The following LRBA variants were observed in gnomAD, a reference collection of about 807,000 sequenced individuals.
LRBA encodes LPS responsive beige-like anchor protein.
In LRBA, 176 loss-of-function variants were observed where a neutral mutation model predicts 330.0. The ratio of observed to expected loss-of-function variants is 0.53; its 90% CI spans 0.47 to 0.60. LRBA has a LOEUF of 0.60. Among genes scored for constraint, LRBA ranks in the 20% least tolerant of loss-of-function variants. The pLI, the probability that LRBA is intolerant of heterozygous loss-of-function variation, is 0.00. For synonymous variants in LRBA, 1,230 were observed against 1,193.0 expected, an observed-to-expected ratio of 1.03 and a Z score of -0.64; for missense variants, 3,259 against 3,444.8, an observed-to-expected ratio of 0.95 and a Z score of 1.35.
Position 150,848,876 on chromosome 4 carries a change from T to A in LRBA, c.4281A>T (p.Glu1427Asp), listed in dbSNP as rs1750227455. ...ATGACATACTTTTTTCAGCTTCAAT[T>A]TCAGTAAAGCCAAGAGAACTTGCAA... ...LIFASSLGFT[E>D]IEAEKSMSSG... Residue 1427 changes from glutamate to aspartate, a missense_variant, in exon 26 of 57, where the codon GAA becomes GAT. By Grantham distance (45) the Glu-to-Asp change is conservative. Transcript: ENST00000651943. The A allele has an allele frequency of 1.2e-6, 2 of 1,612,468 alleles. No individual in the cohort carries two copies. Among genetic ancestry groups the A allele is most frequent in the Admixed American group, 3.3e-5 (2 of 59,862 alleles).
chr4:150,880,855 A>G (rs1206481695), intron 17 of LRBA, among the ~76,000 whole-genome samples: 2 of 152,176 alleles, frequency 1.3e-5, no homozygotes, highest in African/African-American at 4.8e-5. Context: ...GCTAAAAACA[A>G]TCCCATTAAA....
intron 8 of LRBA, among the ~76,000 whole-genome samples, chr4:150,915,389 A>C (rs1240988993): frequency 6.6e-6 from 1 of 152,142 alleles, no homozygotes; most frequent in African/African-American, 2.4e-5. Flanking sequence ...ACTGTTAGCT[A>C]TAAATCCTTA....
chr4:150,561,528 T>C (rs1180458891), intron 40 of LRBA, among the ~76,000 whole-genome samples: 2 of 152,174 alleles, frequency 1.3e-5, no homozygotes, highest in African/African-American at 4.8e-5. Context: ...GGTGGCAGAT[T>C]AAGTCAGAGT....
intron 48 of LRBA, among the ~76,000 whole-genome samples, chr4:150,346,757 C>CAAAAAAAAAAAAAA (rs57119340): frequency 1.4e-4 from 9 of 66,152 alleles, no homozygotes; most frequent in African/African-American, 6.2e-4. Context: ...GACTCTGTCT[C>CAAAAAAAAAAAAAA]AAAAAAAAAA....
At chr4:150,322,441 T>C (rs922052216) in intron 49 of LRBA, among the ~76,000 whole-genome samples, 1 of 152,210 alleles carries the variant, frequency 6.6e-6, no homozygotes, top group Non-Finnish European at 1.5e-5. Flanking sequence ...ATTAGTATCA[T>C]TCAGAATTGA....
At chr4:150,894,041 G>A (rs1646554574) in intron 16 of LRBA, among the ~76,000 whole-genome samples, 1 of 152,116 alleles carries the variant, frequency 6.6e-6, no homozygotes, top group South Asian at 2.1e-4. Context: ...TCAAGATTTT[G>A]TAAAACATAA....
chr4:150,939,612 C>T (rs1319066194), intron 2 of LRBA, among the ~76,000 whole-genome samples: 1 of 152,154 alleles, frequency 6.6e-6, no homozygotes, highest in South Asian at 2.1e-4. Flanking sequence ...TAATACATCC[C>T]AACATCTCCC....
At chr4:150,809,920 G>T (rs1052743712) in intron 31 of LRBA, among the ~76,000 whole-genome samples, 1 of 106,276 alleles carries the variant, frequency 9.4e-6, no homozygotes, top group African/African-American at 3.7e-5. Flanking sequence ...GATACGATAC[G>T]ATACGATACG....
chr4:150,625,441 TAGC>T (rs1305333566), intron 37 of LRBA, among the ~76,000 whole-genome samples: 5 of 152,152 alleles, frequency 3.3e-5, no homozygotes, highest in African/African-American at 9.7e-5. Flanking sequence ...ATTTTTAGAA[TAGC>T]AGAAAATCTC....
chr4:150,807,886 G>C (rs933236431), intron 32 of LRBA, among the ~76,000 whole-genome samples: 1 of 152,038 alleles, frequency 6.6e-6, no homozygotes, highest in African/African-American at 2.4e-5. Context: ...CTGACTTCAA[G>C]TAATCCGCCT....
At chr4:151,010,015 A>T (rs1744634103) in intron 2 of LRBA, among the ~76,000 whole-genome samples, 1 of 150,914 alleles carries the variant, frequency 6.6e-6, no homozygotes, top group Admixed American at 6.6e-5. Flanking sequence ...AATAAATAAA[A>T]ATTTTAAAGA....
intron 37 of LRBA, among the ~76,000 whole-genome samples, chr4:150,663,377 T>A (rs1781292964): frequency 6.6e-6 from 1 of 152,050 alleles, no homozygotes; most frequent in South Asian, 2.1e-4. Context: ...GTCAAATTGA[T>A]GACAGAAGGT....
intron 34 of LRBA, among the ~76,000 whole-genome samples, chr4:150,767,700 G>A (rs1735952998): frequency 6.6e-6 from 1 of 150,818 alleles, no homozygotes. Flanking sequence ...AGAGCTTGCA[G>A]TGAGCCAAGA....
intron 48 of LRBA, among the ~76,000 whole-genome samples, chr4:150,347,071 T>C (rs1736470331): frequency 6.6e-6 from 1 of 152,162 alleles, no homozygotes; most frequent in Non-Finnish European, 1.5e-5. Flanking sequence ...TTCTATAGCA[T>C]GGACAAATCT....
intron 22 of LRBA, among the ~76,000 whole-genome samples, chr4:150,859,195 CA>C (rs1439427947): frequency 6.6e-6 from 1 of 151,892 alleles, no homozygotes; most frequent in Non-Finnish European, 1.5e-5. Context: ...GGAGGAAATC[CA>C]ATTCATATTA....
intron 37 of LRBA, among the ~76,000 whole-genome samples, chr4:150,609,503 G>A (rs1048372713): frequency 6.6e-6 from 1 of 152,134 alleles, no homozygotes; most frequent in Non-Finnish European, 1.5e-5. Context: ...ATACATATCT[G>A]TACTTCTTAT....
intron 44 of LRBA, among the ~76,000 whole-genome samples, chr4:150,461,745 C>T (rs1257814434): frequency 6.6e-6 from 1 of 151,734 alleles, no homozygotes; most frequent in Non-Finnish European, 1.5e-5. Context: ...GAATAGTTAT[C>T]AATTGCATTT....
At chr4:150,951,962 G>A (rs1475194130) in intron 2 of LRBA, among the ~76,000 whole-genome samples, 2 of 152,154 alleles carry the variant, frequency 1.3e-5, no homozygotes, top group Non-Finnish European at 2.9e-5. Context: ...ATGCTGATAT[G>A]GAAAATGAAA....
chr4:150,688,023 G>A (rs907143619), intron 36 of LRBA, among the ~76,000 whole-genome samples: 1 of 152,108 alleles, frequency 6.6e-6, no homozygotes, highest in African/African-American at 2.4e-5. Context: ...GAACAAAGCT[G>A]GAGGCATCAC....
Sources: allele counts gnomAD v4.1 joint callset (sites outside exome capture counted in the v4.1 genomes callset), GRCh38; gene constraint gnomAD v4.1.1; transcripts MANE v1.5; gene names NCBI Gene and HGNC (gene_info 2026-07-23, HGNC 2026-07-21).